The following CDH20 variants were observed in gnomAD, a reference collection of about 807,000 sequenced individuals.
CDH20 encodes the protein cadherin 20.
Under a neutral mutation model 74.2 loss-of-function variants are expected in CDH20, and 29 were observed. The observed-to-expected ratio is 0.39, with a 90% CI of 0.29 to 0.53. The LOEUF (loss-of-function observed/expected upper bound fraction) is 0.53. Among genes scored for constraint, CDH20 ranks in the 20% least tolerant of loss-of-function variants. The probability of loss-of-function intolerance (pLI) is 0.69; values close to 1 mark genes in which losing one functional copy is unlikely to be tolerated. For synonymous variants in CDH20, 469 were observed against 405.4 expected (o/e 1.16, Z -1.88); for missense variants, 988 against 1,048.3 (o/e 0.94, Z 0.79).
chr18:61,433,482 T>A (rs1426041478), intron 1 of CDH20, among the ~76,000 whole-genome samples: 1 of 152,168 alleles, frequency 6.6e-6, no homozygotes, highest in East Asian at 1.9e-4. Context: ...CTGGGAATTA[T>A]CATTTCACCA....
intron 1 of CDH20, among the ~76,000 whole-genome samples, chr18:61,338,876 G>A (rs1282257980): frequency 6.6e-6 from 1 of 152,038 alleles, no homozygotes; most frequent in African/African-American, 2.4e-5. Context: ...CTTCTTTATA[G>A]TTCTACAACT....
intron 1 of CDH20, among the ~76,000 whole-genome samples, chr18:61,368,296 TA>T (rs1910926014): frequency 6.6e-6 from 1 of 152,110 alleles, no homozygotes; most frequent in African/African-American, 2.4e-5. Context: ...GGAATTATTT[TA>T]CTGATCATAC....
At chr18:61,491,837 A>G (rs1454713697) in intron 2 of CDH20, among the ~76,000 whole-genome samples, 1 of 151,850 alleles carries the variant, frequency 6.6e-6, no homozygotes, top group Non-Finnish European at 1.5e-5. Context: ...TCCTTGACTC[A>G]TTGTCCTATC....
At chr18:61,517,732 T>C (rs1230723063) in intron 6 of CDH20, among the ~76,000 whole-genome samples, 1 of 152,062 alleles carries the variant, frequency 6.6e-6, no homozygotes, top group East Asian at 1.9e-4. Flanking sequence ...TTTGTTTTGT[T>C]TTACCCCCAG....
At chr18:61,397,005 C>T (rs1209778306) in intron 1 of CDH20, among the ~76,000 whole-genome samples, 1 of 152,176 alleles carries the variant, frequency 6.6e-6, no homozygotes, top group Non-Finnish European at 1.5e-5. Context: ...TATTTGGTTT[C>T]TATGCTGTAC....
chr18:61,538,856 T>C lies in CDH20; in HGVS notation c.1409-168T>C, dbSNP rs143427761. Among the ~76,000 whole-genome samples the C allele has an allele frequency of 2.2e-3, 335 of 152,078 alleles. 2 individuals carry two copies. The highest frequency in any genetic ancestry group is 7.2e-3 in the African/African-American group (299 of 41,522). On this transcript the variant is annotated intron_variant, in intron 8 of 11. Transcript: ENST00000262717. ...AGGATGTTATCCAGGATGGTCTCGA[T>C]CTCCTGACATCGTGATCCTCCCGCC...
Position 61,554,259 on chromosome 18 carries a change from A to C in CDH20, c.1970A>C (p.Asn657Thr). 1 of 1,614,022 alleles carries C rather than the reference A, an allele frequency of 6.2e-7. No individual in the cohort carries two copies. The highest frequency in any genetic ancestry group is 8.5e-7 in the Non-Finnish European group (1 of 1,179,998). Residue 657 changes from asparagine (N) to threonine (T), a missense_variant, in exon 12 of 12, where the codon AAC (asparagine) becomes ACC (threonine). Transcript: ENST00000262717. The stretch of plus-strand genomic sequence containing the variant: ...CCATACATCATCGACGACGAGGAAA[A>C]CATCCACGAGAACATCGTCCGCTAC... ...KQPYIIDDEENIHENIVRYDD... is the reference protein window; with the variant it reads ...KQPYIIDDEETIHENIVRYDD...
intron 1 of CDH20, among the ~76,000 whole-genome samples, chr18:61,390,986 GA>G (rs575255395): frequency 6.6e-6 from 1 of 151,914 alleles, no homozygotes; most frequent in Non-Finnish European, 1.5e-5. Context: ...ACTTAGAAGT[GA>G]AAAAAATATA....
At position 61,351,641 on chromosome 18, in the gene CDH20, T is replaced by TA. The variant is rs201829009; in HGVS notation, c.-153+17826dup. 3.9e-3 allele frequency among the ~76,000 whole-genome samples: 563 copies of TA among 144,380 alleles called. 2 individuals carry two copies. The highest frequency in any genetic ancestry group is 9.2e-3 in the African/African-American group (359 of 39,232). The allele number at this position is 144,380 out of a possible 152,430, so 94.7% of individuals were successfully genotyped here. On this transcript the variant is annotated intron_variant, in intron 1 of 11. Coordinates refer to ENST00000262717, the MANE Select transcript of CDH20 (RefSeq NM_031891.4). The stretch of plus-strand genomic sequence containing the variant: ...AGCAAAAATAACTGCAAAGTCTAAT[T>TA]AAAAAAAAAAAACAATTTTCAGGTG...
At position 61,490,444 on chromosome 18, in the gene CDH20, T is replaced by G. The variant is rs1352448195; in HGVS notation, c.-110T>G. Reference sequence around the variant, plus strand: ...GATTGACTTGAAACGGGATCTCATTTAGGAAGCATAAGTGTCCAATCAAAA... The same window carrying G: ...GATTGACTTGAAACGGGATCTCATTGAGGAAGCATAAGTGTCCAATCAAAA... On this transcript the variant is annotated 5_prime_UTR_variant, in exon 2 of 12. Coordinates refer to ENST00000262717, the MANE Select transcript of CDH20 (RefSeq NM_031891.4). The G allele has an allele frequency of 1.3e-5, 14 of 1,076,538 alleles. No individual in the cohort carries two copies. The East Asian group carries it at 3.3e-4, about 26-fold the overall frequency. The allele number at this position is 1,076,538 out of a possible 1,614,324, so 66.7% of individuals were successfully genotyped here. A position where few individuals can be genotyped will look rare whatever the true frequency, so the allele number is the denominator to read the frequency against.
intron 1 of CDH20, among the ~76,000 whole-genome samples, chr18:61,382,812 T>C (rs990758345): frequency 2.0e-4 from 31 of 152,260 alleles, no homozygotes; most frequent in African/African-American, 7.0e-4. Context: ...AACATACAGA[T>C]GTAAGAACTC....
intron 5 of CDH20, among the ~76,000 whole-genome samples, chr18:61,505,510 AT>A (rs2144327159): frequency 6.6e-6 from 1 of 151,850 alleles, no homozygotes; most frequent in South Asian, 2.1e-4. Flanking sequence ...TAATTTTTAT[AT>A]TTTTTATAGA....
intron 1 of CDH20, among the ~76,000 whole-genome samples, chr18:61,445,404 C>T (rs1909166095): frequency 6.6e-6 from 1 of 152,124 alleles, no homozygotes; most frequent in Non-Finnish European, 1.5e-5. Flanking sequence ...TAATTGATGC[C>T]AAAGCCTAAC....
chr18:61,469,280 T>C (rs555598969), intron 1 of CDH20, among the ~76,000 whole-genome samples: 3 of 152,010 alleles, frequency 2.0e-5, no homozygotes, highest in East Asian at 1.9e-4. Flanking sequence ...AGCCACTCAG[T>C]TGGCTGTAGC....
At chr18:61,363,596 T>G (rs2144139542) in intron 1 of CDH20, among the ~76,000 whole-genome samples, 1 of 152,368 alleles carries the variant, frequency 6.6e-6, no homozygotes, top group South Asian at 2.1e-4. Context: ...TTTTTTGTTC[T>G]TCTGGCTGAG....
At chr18:61,473,865 G>C (rs1910276113) in intron 1 of CDH20, among the ~76,000 whole-genome samples, 1 of 152,222 alleles carries the variant, frequency 6.6e-6, no homozygotes, top group Non-Finnish European at 1.5e-5. Context: ...TAGCCAGTAA[G>C]AGTAGGAATA....
At chr18:61,457,791 A>T (rs1440778653) in intron 1 of CDH20, among the ~76,000 whole-genome samples, 1 of 152,150 alleles carries the variant, frequency 6.6e-6, no homozygotes, top group East Asian at 1.9e-4. Context: ...AAAACTTAAA[A>T]CAGAGAAAGC....
intron 9 of CDH20, among the ~76,000 whole-genome samples, chr18:61,544,148 C>T (rs1022078542): frequency 3.9e-5 from 6 of 152,204 alleles, no homozygotes; most frequent in Admixed American, 1.3e-4. Context: ...TCACATGGAA[C>T]GGGAGAGTTC....
At chr18:61,451,770 T>G (rs1272218938) in intron 1 of CDH20, among the ~76,000 whole-genome samples, 1 of 152,064 alleles carries the variant, frequency 6.6e-6, no homozygotes, top group Admixed American at 6.5e-5. Context: ...AAGAGAAGCA[T>G]TCTTGGAGAA....
Sources: gnomAD v4.1 joint callset for allele counts (sites outside exome capture counted in the v4.1 genomes callset) on GRCh38, gnomAD v4.1.1 for gene constraint, MANE v1.5 for transcripts, NCBI Gene and HGNC (gene_info 2026-07-23, HGNC 2026-07-21) for gene names.